The following TMF1 variants were observed in gnomAD, a reference collection of about 807,000 sequenced individuals.
The protein encoded by TMF1 is TATA element modulatory factor 1, also known as TATA element modulatory factor.
A neutral mutation model predicts 126.5 loss-of-function variants in TMF1; 71 were observed. That is an observed-to-expected ratio of 0.56 (90% confidence interval 0.46 to 0.68). The LOEUF (loss-of-function observed/expected upper bound fraction) is 0.68, where lower values mean the gene tolerates loss of function less well. Among genes scored for constraint, TMF1 ranks in the 30% least tolerant of loss-of-function variants. TMF1 has a pLI of 0.00. For missense variants in TMF1, 1,259 were observed against 1,253.2 expected, an observed-to-expected ratio of 1.00 and a Z score of -0.07; for synonymous variants, 461 against 430.5, an observed-to-expected ratio of 1.07 and a Z score of -0.88.
At chr3:69,033,929 C>T (rs2091818724) in intron 9 of TMF1, 1 of 348,004 alleles carries the variant, frequency 2.9e-6, no homozygotes, top group South Asian at 4.7e-5. Context: ...CTCCTAGGCT[C>T]AAGCGATCCT....
At chr3:69,037,919 G>A (rs1001301128) in intron 8 of TMF1, among the ~76,000 whole-genome samples, 7 of 152,240 alleles carry the variant, frequency 4.6e-5, no homozygotes, top group African/African-American at 1.7e-4. Flanking sequence ...ATCTTGGCAA[G>A]GATGTGGAGA....
Position 69,052,289 on chromosome 3 carries a change from T to G in TMF1, c.-203A>C. On this transcript the variant is annotated 5_prime_UTR_variant, in exon 1 of 17. Transcript: ENST00000398559. ...ACAGCTGAGACGAAGGGGGCCCATG[T>G]GCGCATGCGCTTGCTTCTTCCACGT... 1 of 473,412 alleles carries G rather than the reference T, an allele frequency of 2.1e-6. No homozygotes were observed. Among genetic ancestry groups the G allele is most frequent in the East Asian group, 3.7e-5 (1 of 27,056 alleles). 29.3% of individuals were successfully genotyped at this position (473,412 alleles called of 1,614,324 possible).
intron 12 of TMF1, 23 bp from the exon 13 acceptor site, chr3:69,028,015 G>T (rs531787912): frequency 1.4e-6 from 2 of 1,395,164 alleles, no homozygotes; most frequent in Admixed American, 1.8e-5. Flanking sequence ...AATAAAGTTA[G>T]ACAATTTCTG....
chr3:69,024,687 A>T (rs1220418553), intron 15 of TMF1: 1 of 152,172 alleles, frequency 6.6e-6, no homozygotes, highest in Non-Finnish European at 1.5e-5. Context: ...ATTTTCATAT[A>T]ACTAAAAGTA....
intron 8 of TMF1, among the ~76,000 whole-genome samples, chr3:69,037,443 C>T (rs1057121517): frequency 1.3e-5 from 2 of 151,946 alleles, no homozygotes; most frequent in Non-Finnish European, 2.9e-5. Flanking sequence ...AGTTCAACAC[C>T]AGCCTGGCCA....
intron 15 of TMF1, 72 bp from the exon 16 acceptor site, chr3:69,024,252 A>G (rs528746933): frequency 1.6e-6 from 2 of 1,250,116 alleles, no homozygotes; most frequent in South Asian, 3.3e-5. Context: ...ATATAAAAAT[A>G]TTTAATGTGT....
intron 8 of TMF1, among the ~76,000 whole-genome samples, chr3:69,035,710 A>G (rs2091827772): frequency 6.6e-6 from 1 of 152,346 alleles, no homozygotes; most frequent in South Asian, 2.1e-4. Context: ...ATAGTTGCAA[A>G]TGTCGATACA....
In TMF1 at chr3:69,028,250, T is replaced by G. The variant is rs749829696; in HGVS notation, c.2640A>C (p.Thr880=). Residue 880 remains threonine, a synonymous_variant, in exon 12 of 17, where the codon ACA becomes ACC. Transcript: ENST00000398559. ...LENLKDEYVR[T]LEETRKEKTL... ...CCTTTTCTTTCCTCGTCTCTTCAAG[T>G]GTTCTTACATATTCATCTTTTAGGT... 2.5e-6 allele frequency: 4 copies of G among 1,613,390 alleles called. No individual in the cohort carries two copies. The highest frequency in any genetic ancestry group is 3.4e-6 in the Non-Finnish European group (4 of 1,179,592).
chr3:69,044,718 T>C, intron 2 of TMF1, 123 bp from the exon 3 acceptor site: 1 of 578,584 alleles, frequency 1.7e-6, no homozygotes, highest in Admixed American at 3.5e-5. Flanking sequence ...AAGAACAGTA[T>C]TAGGAACACA....
At chr3:69,031,021 TA>T (rs2091798884) in intron 10 of TMF1, among the ~76,000 whole-genome samples, 1 of 152,138 alleles carries the variant, frequency 6.6e-6, no homozygotes, top group Admixed American at 6.5e-5. Context: ...AGTGAATGGT[TA>T]AATATACGTG....
chr3:69,037,465 C>A (rs940998710), intron 8 of TMF1, among the ~76,000 whole-genome samples: 1 of 151,820 alleles, frequency 6.6e-6, no homozygotes, highest in Non-Finnish European at 1.5e-5. Flanking sequence ...CATGGTGAAG[C>A]CTCGTCTCTA....
chr3:69,030,034 A>G, intron 10 of TMF1, 27 bp from the exon 11 acceptor site: 1 of 1,579,658 alleles, frequency 6.3e-7, no homozygotes, highest in East Asian at 2.2e-5. Context: ...AAAAAAAATC[A>G]CATACACATA....
At chr3:69,050,020 G>C (rs1575822142) in intron 1 of TMF1, among the ~76,000 whole-genome samples, 1 of 152,148 alleles carries the variant, frequency 6.6e-6, no homozygotes, top group East Asian at 1.9e-4. Flanking sequence ...AGCACTTTGG[G>C]AGGCCGAGGC....
chr3:69,048,561 T>G lies in TMF1; in HGVS notation c.144A>C (p.Gly48=), dbSNP rs2091909512. The change falls in exon 2 of 17, where the codon GGA becomes GGC. Residue 48 remains glycine (G), a splice_region_variant and synonymous_variant. Transcript: ENST00000398559. The part of the protein sequence containing the change: ...WAETIPYGEP[G]ISSPVSGGWD... Reference sequence around the variant, plus strand: ...ATCCTCCACTGACAGGGGAACTTATTCCTTTAACAAAAAAGTAAATATTAA... The same window carrying G: ...ATCCTCCACTGACAGGGGAACTTATGCCTTTAACAAAAAAGTAAATATTAA... 1.3e-6 allele frequency: 2 copies of G among 1,567,756 alleles called. No individual in the cohort carries two copies. Among genetic ancestry groups the G allele is most frequent in the Non-Finnish European group, 1.7e-6 (2 of 1,160,646 alleles).
rs1197547061 is a variant in TMF1, at chr3:69,023,138, T to A, written c.*39A>T. 3.9e-6 allele frequency: 6 copies of A among 1,556,812 alleles called. No homozygotes were observed. Among genetic ancestry groups the A allele is most frequent in the African/African-American group, 1.4e-5 (1 of 73,014 alleles). The stretch of plus-strand genomic sequence containing the variant: ...CCACATTAAATGTTTAGATATTAAA[T>A]GCTTACATTCAGTTTGATGGGAATT... On this transcript the variant is annotated 3_prime_UTR_variant, in exon 17 of 17. Transcript: ENST00000398559.
rs879065782 is a variant in TMF1, at chr3:69,025,760, G to A, written c.2860-48C>T. 3 of 1,570,366 alleles carry A rather than the reference G, an allele frequency of 1.9e-6. No individual in the cohort carries two copies. The South Asian group carries it at 3.5e-5, about 18-fold the overall frequency. ...CACAGTTACTCAGTTATCATAGCTT[G>A]TCTTCCATTACCAGGTTCGAACAAA... is the stretch of plus-strand genomic sequence containing the variant. On this transcript the variant is annotated intron_variant, in intron 14 of 16. Coordinates refer to ENST00000398559, the MANE Select transcript of TMF1 (RefSeq NM_007114.3).
At chr3:69,044,197 A>G (rs2091882612) in intron 3 of TMF1, among the ~76,000 whole-genome samples, 1 of 152,164 alleles carries the variant, frequency 6.6e-6, no homozygotes, top group Admixed American at 6.5e-5. Flanking sequence ...TTATAGCACA[A>G]CTGTGTTATT....
chr3:69,036,821 A>G (rs1175142093), intron 8 of TMF1, among the ~76,000 whole-genome samples: 3 of 152,224 alleles, frequency 2.0e-5, no homozygotes, highest in African/African-American at 7.2e-5. Context: ...AGACTACAAA[A>G]CTCTTAGAAG....
chr3:69,048,051 G>A lies in TMF1; in HGVS notation c.654C>T (p.Leu218=). The A allele has an allele frequency of 6.2e-7, 1 of 1,614,050 alleles. No individual in the cohort carries two copies. Among genetic ancestry groups the A allele is most frequent in the African/African-American group, 1.3e-5 (1 of 75,036 alleles). ...ESISNTSTQS[L]TAETKDIALE... ...AAGCTATGTCCTTTGTTTCTGCTGTGAGAGACTGCGTAGACGTATTAGATA... is the reference window on the plus strand; with the variant it reads ...AAGCTATGTCCTTTGTTTCTGCTGTAAGAGACTGCGTAGACGTATTAGATA... Residue 218 remains leucine, a synonymous_variant, in exon 2 of 17, where the codon CTC becomes CTT. Coordinates refer to ENST00000398559, the MANE Select transcript of TMF1 (RefSeq NM_007114.3).
Sources: gnomAD v4.1 joint callset for allele counts (sites outside exome capture counted in the v4.1 genomes callset) on GRCh38, gnomAD v4.1.1 for gene constraint, MANE v1.5 for transcripts, NCBI Gene and HGNC (gene_info 2026-07-23, HGNC 2026-07-21) for gene names.